NALF1: variants seen among roughly 807,000 people sequenced by gnomAD.
The protein encoded by NALF1 is family with sequence similarity 155 member A.
NALF1 carries 3 observed loss-of-function variants against 48.4 expected under a neutral mutation model. The ratio of observed to expected loss-of-function variants is 0.06; its 90% CI spans 0.03 to 0.16. The LOEUF is 0.16. NALF1 is among the 10% of genes least tolerant of loss of function. NALF1 has a pLI of 1.00. For synonymous variants in NALF1, 262 were observed against 245.7 expected (o/e 1.07, Z -0.62); for missense variants, 526 against 571.5 (o/e 0.92, Z 0.81).
intron 1 of NALF1, among the ~76,000 whole-genome samples, chr13:107,629,598 C>G (rs190226220): frequency 1.1e-5 from 1 of 91,272 alleles, no homozygotes; most frequent in East Asian, 7.5e-4. Flanking sequence ...TCTCCCCTCA[C>G]CCTTCCAGTT....
chr13:107,742,251 GT>G (rs1876659978), intron 1 of NALF1, among the ~76,000 whole-genome samples: 1 of 152,112 alleles, frequency 6.6e-6, no homozygotes, highest in African/African-American at 2.4e-5. Context: ...TATTCTAGAG[GT>G]CTCATCTAAA....
At chr13:107,660,458 C>T (rs1459187698) in intron 1 of NALF1, among the ~76,000 whole-genome samples, 1 of 130,672 alleles carries the variant, frequency 7.7e-6, no homozygotes, top group African/African-American at 2.8e-5. Context: ...CACACACACA[C>T]ACACACACAC....
chr13:107,367,976 T>C (rs1883180850), intron 1 of NALF1, among the ~76,000 whole-genome samples: 1 of 152,186 alleles, frequency 6.6e-6, no homozygotes, highest in African/African-American at 2.4e-5. Flanking sequence ...TTTATGATAA[T>C]AAAAGGTGGA....
At chr13:107,814,116 A>C (rs2138609636) in intron 1 of NALF1, among the ~76,000 whole-genome samples, 1 of 152,292 alleles carries the variant, frequency 6.6e-6, no homozygotes, top group South Asian at 2.1e-4. Flanking sequence ...TCAGGGGAAT[A>C]TCTTGTGGCT....
intron 1 of NALF1, among the ~76,000 whole-genome samples, chr13:107,549,547 ATACATC>A (rs1346321544): frequency 6.6e-6 from 1 of 152,126 alleles, no homozygotes; most frequent in East Asian, 1.9e-4. Flanking sequence ...AAGAAATGTA[ATACATC>A]TCTCCACCAG....
chr13:107,801,447 A>G (rs990925329), intron 1 of NALF1, among the ~76,000 whole-genome samples: 1 of 152,212 alleles, frequency 6.6e-6, no homozygotes, highest in African/African-American at 2.4e-5. Flanking sequence ...TAATTGTAAC[A>G]CAGTCAGAGG....
At chr13:107,642,197 G>A (rs1237493880) in intron 1 of NALF1, among the ~76,000 whole-genome samples, 5 of 152,156 alleles carry the variant, frequency 3.3e-5, no homozygotes, top group African/African-American at 1.2e-4. Flanking sequence ...ATGAAAGGTA[G>A]GAGGAAGTAG....
intron 1 of NALF1, among the ~76,000 whole-genome samples, chr13:107,474,404 C>G (rs926708113): frequency 6.6e-6 from 1 of 152,152 alleles, no homozygotes; most frequent in Non-Finnish European, 1.5e-5. Context: ...TTGGAATAAG[C>G]TGGATTTCTA....
At chr13:107,316,653 G>C (rs957059548) in intron 1 of NALF1, among the ~76,000 whole-genome samples, 8 of 152,200 alleles carry the variant, frequency 5.3e-5, no homozygotes, top group African/African-American at 7.2e-5. Flanking sequence ...GGCCAGTGGT[G>C]ATGAGCATTT....
At chr13:107,623,825 C>A (rs951706207) in intron 1 of NALF1, among the ~76,000 whole-genome samples, 1 of 152,054 alleles carries the variant, frequency 6.6e-6, no homozygotes, top group Non-Finnish European at 1.5e-5. Flanking sequence ...GATAATACTT[C>A]GTCAGGGGCT....
intron 1 of NALF1, among the ~76,000 whole-genome samples, chr13:107,375,081 T>C (rs892224975): frequency 2.0e-5 from 3 of 152,188 alleles, no homozygotes; most frequent in Admixed American, 1.3e-4. Flanking sequence ...GAAAAAGAAG[T>C]ATTACATAAA....
intron 1 of NALF1, among the ~76,000 whole-genome samples, chr13:107,710,754 T>C (rs998663803): frequency 7.2e-6 from 1 of 138,410 alleles, no homozygotes; most frequent in Non-Finnish European, 1.5e-5. Context: ...ATCATATATA[T>C]ACATATATGT....
At chr13:107,638,761 C>G (rs1437683633) in intron 1 of NALF1, among the ~76,000 whole-genome samples, 1 of 152,132 alleles carries the variant, frequency 6.6e-6, no homozygotes, top group Non-Finnish European at 1.5e-5. Context: ...TGGAGAAAAG[C>G]TCTCTGGGCA....
chr13:107,526,464 T>C (rs1398001557), intron 1 of NALF1, among the ~76,000 whole-genome samples: 1 of 152,158 alleles, frequency 6.6e-6, no homozygotes, highest in Admixed American at 6.6e-5. Context: ...TAGTTATTTG[T>C]GTAGATCATT....
chr13:107,333,306 T>G (rs1426541093), intron 1 of NALF1, among the ~76,000 whole-genome samples: 1 of 152,160 alleles, frequency 6.6e-6, no homozygotes, highest in Admixed American at 6.5e-5. Context: ...TTCTTGGGCT[T>G]AGGAATACCA....
chr13:107,728,442 A>T (rs1876217765), intron 1 of NALF1, among the ~76,000 whole-genome samples: 1 of 152,162 alleles, frequency 6.6e-6, no homozygotes, highest in African/African-American at 2.4e-5. Context: ...ACAGAAAACC[A>T]AACACCACAT....
intron 1 of NALF1, among the ~76,000 whole-genome samples, chr13:107,589,054 T>C (rs1257025043): frequency 1.3e-5 from 2 of 152,074 alleles, no homozygotes; most frequent in African/African-American, 2.4e-5. Context: ...TGCCAAGATA[T>C]TTCAGACCAG....
intron 2 of NALF1, among the ~76,000 whole-genome samples, chr13:107,196,215 G>A (rs1022136299): frequency 6.6e-6 from 1 of 152,262 alleles, no homozygotes; most frequent in South Asian, 2.1e-4. Flanking sequence ...CTTAATGCCT[G>A]GGTGATGAAA....
intron 1 of NALF1, among the ~76,000 whole-genome samples, chr13:107,705,511 C>CAT (rs10572837): frequency 4.7e-5 from 7 of 150,494 alleles, no homozygotes; most frequent in African/African-American, 1.5e-4. Context: ...AGATTTTATA[C>CAT]ATATATATAT....
Sources: allele counts gnomAD v4.1 joint callset (sites outside exome capture counted in the v4.1 genomes callset), GRCh38; gene constraint gnomAD v4.1.1; transcripts MANE v1.5; gene names NCBI Gene and HGNC (gene_info 2026-07-23, HGNC 2026-07-21).